ZNF385D: variants seen among roughly 807,000 people sequenced by gnomAD.
The protein encoded by ZNF385D is zinc finger protein 385D.
A neutral mutation model predicts 35.8 loss-of-function variants in ZNF385D; 15 were observed. That is an observed-to-expected ratio of 0.42 (90% confidence interval 0.28 to 0.64). ZNF385D has a LOEUF of 0.64. ZNF385D is among the 30% of genes least tolerant of loss of function. The probability of loss-of-function intolerance (pLI) is 0.23; values close to 1 mark genes in which losing one functional copy is unlikely to be tolerated. For synonymous variants in ZNF385D, 212 were observed against 186.8 expected, an observed-to-expected ratio of 1.13 and a Z score of -1.10; for missense variants, 474 against 494.6, an observed-to-expected ratio of 0.96 and a Z score of 0.39.
At chr3:21,466,864 G>GC (rs1418024211) in intron 4 of ZNF385D, among the ~76,000 whole-genome samples, 2 of 152,042 alleles carry the variant, frequency 1.3e-5, no homozygotes, top group African/African-American at 2.4e-5. Flanking sequence ...ATCTATTACT[G>GC]CCCCACCATT....
At chr3:22,301,121 T>A (rs1702877394) in intron 2 of ZNF385D, among the ~76,000 whole-genome samples, 1 of 152,040 alleles carries the variant, frequency 6.6e-6, no homozygotes, top group Admixed American at 6.6e-5. Context: ...GGAAATCCTG[T>A]CATTTGAGAC....
At chr3:21,968,527 G>GAGGAT (rs985977437) in intron 3 of ZNF385D, among the ~76,000 whole-genome samples, 1 of 151,964 alleles carries the variant, frequency 6.6e-6, no homozygotes, top group African/African-American at 2.4e-5. Context: ...GAGGAGAGGA[G>GAGGAT]AGGAGAGAGT....
intron 3 of ZNF385D, among the ~76,000 whole-genome samples, chr3:22,080,131 T>C (rs1700673759): frequency 6.6e-6 from 1 of 152,150 alleles, no homozygotes; most frequent in Non-Finnish European, 1.5e-5. Context: ...ATATAATTAC[T>C]TAGGAAGTTC....
chr3:22,165,107 C>A (rs994711485), intron 3 of ZNF385D, among the ~76,000 whole-genome samples: 4 of 152,102 alleles, frequency 2.6e-5, no homozygotes, highest in African/African-American at 9.7e-5. Context: ...ATTTTGTAAA[C>A]CCACAGAATG....
intron 3 of ZNF385D, among the ~76,000 whole-genome samples, chr3:22,046,897 A>C (rs1699036671): frequency 6.6e-6 from 1 of 152,172 alleles, no homozygotes; most frequent in South Asian, 2.1e-4. Flanking sequence ...ATGAAATCAG[A>C]AACACTTTAT....
chr3:22,315,859 T>G (rs527855419), intron 2 of ZNF385D, among the ~76,000 whole-genome samples: 4 of 152,240 alleles, frequency 2.6e-5, no homozygotes, highest in African/African-American at 9.6e-5. Flanking sequence ...AATCTGCCTT[T>G]GTAAGACTAA....
intron 3 of ZNF385D, among the ~76,000 whole-genome samples, chr3:21,889,385 A>G (rs1408637083): frequency 6.6e-6 from 1 of 152,066 alleles, no homozygotes; most frequent in African/African-American, 2.4e-5. Context: ...ACTGTAACCA[A>G]CCAGATGGTG....
At chr3:21,619,922 G>C (rs560694950) in intron 2 of ZNF385D, among the ~76,000 whole-genome samples, 40 of 152,290 alleles carry the variant, frequency 2.6e-4, no homozygotes, top group African/African-American at 8.4e-4. Context: ...GCATGCAGCA[G>C]CCACATTACA....
chr3:21,457,847 T>C (rs1702916318), intron 4 of ZNF385D, among the ~76,000 whole-genome samples: 1 of 152,176 alleles, frequency 6.6e-6, no homozygotes, highest in Non-Finnish European at 1.5e-5. Context: ...CCCTTGTGTT[T>C]CCAAAGGCCA....
rs1474579399 is a variant in ZNF385D, at chr3:21,576,521, A to G, written c.166-11837T>C. On this transcript the variant is annotated intron_variant, in intron 2 of 7. Coordinates refer to ENST00000281523, the MANE Select transcript of ZNF385D (RefSeq NM_024697.3). ...TGGGATCCTATTGTGGAATACCCAC[A>G]GACATTTGCACTCTGCTTTTTAAAT... Among the ~76,000 whole-genome samples the G allele has an allele frequency of 3.9e-5, 6 of 152,338 alleles. No homozygotes were observed. In the East Asian group the frequency reaches 1.2e-3, roughly 29 times the overall value.
At chr3:21,725,338 G>A (rs6766103) in intron 1 of ZNF385D, among the ~76,000 whole-genome samples, 1,736 of 151,930 alleles carry the variant, frequency 0.011, 48 homozygotes, top group Admixed American at 0.057. Context: ...AGATCAGAGC[G>A]GAACTGAAGG....
chr3:22,318,534 T>G (rs1575109382), intron 2 of ZNF385D, among the ~76,000 whole-genome samples: 1 of 152,098 alleles, frequency 6.6e-6, no homozygotes, highest in African/African-American at 2.4e-5. Context: ...TGTTTCTGAT[T>G]GAGAGAGGAG....
intron 3 of ZNF385D, among the ~76,000 whole-genome samples, chr3:22,044,027 G>A (rs775985720): frequency 3.3e-5 from 5 of 151,890 alleles, no homozygotes; most frequent in Non-Finnish European, 5.9e-5. Flanking sequence ...ATCTTTAAAG[G>A]AAGTTTTGCT....
At chr3:21,492,505 G>A (rs529452043) in intron 4 of ZNF385D, among the ~76,000 whole-genome samples, 77 of 150,734 alleles carry the variant, frequency 5.1e-4, no homozygotes, top group African/African-American at 1.1e-3. Context: ...AAAAATGGCC[G>A]GGCATGGTGG....
At chr3:21,958,619 G>A (rs953437007) in intron 3 of ZNF385D, among the ~76,000 whole-genome samples, 6 of 152,172 alleles carry the variant, frequency 3.9e-5, no homozygotes, top group Non-Finnish European at 5.9e-5. Context: ...AATTTTACCT[G>A]TAATATAATC....
At chr3:21,559,557 G>A (rs2062865016) in intron 3 of ZNF385D, among the ~76,000 whole-genome samples, 1 of 152,102 alleles carries the variant, frequency 6.6e-6, no homozygotes, top group Admixed American at 6.5e-5. Context: ...TTCCCTTTGT[G>A]GGTAACCCAA....
At chr3:21,685,866 C>T (rs1405901538) in intron 1 of ZNF385D, among the ~76,000 whole-genome samples, 4 of 152,246 alleles carry the variant, frequency 2.6e-5, no homozygotes, top group Admixed American at 1.3e-4. Context: ...TAATAAGCCA[C>T]GCATGAAAGC....
intron 2 of ZNF385D, among the ~76,000 whole-genome samples, chr3:22,171,334 T>A (rs1219112776): frequency 1.3e-5 from 2 of 152,198 alleles, no homozygotes; most frequent in Non-Finnish European, 2.9e-5. Flanking sequence ...TAAGAACATG[T>A]GCTAACAATT....
chr3:22,238,531 T>C (rs1396274653), intron 2 of ZNF385D, among the ~76,000 whole-genome samples: 1 of 151,116 alleles, frequency 6.6e-6, no homozygotes, highest in Non-Finnish European at 1.5e-5. Flanking sequence ...TTTACACTTA[T>C]TTTGTTTAAT....
Sources: gnomAD v4.1 joint callset for allele counts (sites outside exome capture counted in the v4.1 genomes callset) on GRCh38, gnomAD v4.1.1 for gene constraint, MANE v1.5 for transcripts, NCBI Gene and HGNC (gene_info 2026-07-23, HGNC 2026-07-21) for gene names.